CDH12: variants seen among roughly 807,000 people sequenced by gnomAD.
The protein encoded by CDH12 is cadherin-12.
In CDH12, 41 loss-of-function variants were observed where a neutral mutation model predicts 74.1. The observed-to-expected ratio is 0.55, with a 90% CI of 0.43 to 0.72. The LOEUF is 0.72. Among genes scored for constraint, CDH12 ranks in the 30% least tolerant of loss-of-function variants. The pLI is 0.00. For missense variants in CDH12, 945 were observed against 977.2 expected (o/e 0.97, Z 0.44); for synonymous variants, 399 against 355.0 (o/e 1.12, Z -1.39).
At chr5:22,041,940 A>G (rs1177303008) in intron 5 of CDH12, among the ~76,000 whole-genome samples, 2 of 152,226 alleles carry the variant, frequency 1.3e-5, no homozygotes, top group Non-Finnish European at 2.9e-5. Flanking sequence ...AAACAAATTG[A>G]AATCATGTCA....
intron 3 of CDH12, among the ~76,000 whole-genome samples, chr5:22,384,064 A>C (rs1454832734): frequency 6.6e-6 from 1 of 152,102 alleles, no homozygotes; most frequent in Non-Finnish European, 1.5e-5. Flanking sequence ...AATGTAAAGA[A>C]AATTAGACTT....
At chr5:22,574,483 G>A (rs1739685748) in intron 1 of CDH12, among the ~76,000 whole-genome samples, 2 of 151,968 alleles carry the variant, frequency 1.3e-5, no homozygotes, top group African/African-American at 4.8e-5. Context: ...TTTTATAAAG[G>A]TAGATTTTAT....
At chr5:22,172,439 T>C (rs1749085145) in intron 4 of CDH12, 1 of 151,886 alleles carries the variant, frequency 6.6e-6, no homozygotes, top group African/African-American at 2.4e-5. Context: ...ATCTTCCTTG[T>C]TTCTCTCTTA....
intron 10 of CDH12, among the ~76,000 whole-genome samples, chr5:21,796,925 C>T (rs1746812319): frequency 6.6e-6 from 1 of 152,114 alleles, no homozygotes; most frequent in African/African-American, 2.4e-5. Context: ...TCGTTTGACT[C>T]ACTAGAAATT....
intron 2 of CDH12, among the ~76,000 whole-genome samples, chr5:22,416,266 G>A (rs1289260902): frequency 6.6e-6 from 1 of 151,004 alleles, no homozygotes; most frequent in African/African-American, 2.4e-5. Context: ...TAGTAGAGAC[G>A]GGGTTTCACC....
chr5:22,294,841 T>C (rs1737555165), intron 3 of CDH12, among the ~76,000 whole-genome samples: 2 of 152,240 alleles, frequency 1.3e-5, no homozygotes, highest in East Asian at 3.9e-4. Flanking sequence ...ATTTATCTGC[T>C]TCTTTGAGCT....
At chr5:22,804,857 C>G (rs1388035792) in intron 1 of CDH12, among the ~76,000 whole-genome samples, 2 of 152,162 alleles carry the variant, frequency 1.3e-5, no homozygotes, top group Non-Finnish European at 2.9e-5. Flanking sequence ...TGTACGTACA[C>G]TACTTTAAGA....
chr5:22,403,688 G>C (rs1338723500), intron 3 of CDH12, among the ~76,000 whole-genome samples: 1 of 152,202 alleles, frequency 6.6e-6, no homozygotes. Context: ...GCCATGTGAA[G>C]ACCAAGAAGC....
chr5:22,350,700 T>C (rs1740323459), intron 3 of CDH12, among the ~76,000 whole-genome samples: 1 of 152,212 alleles, frequency 6.6e-6, no homozygotes, highest in Admixed American at 6.5e-5. Flanking sequence ...ATAGATAACA[T>C]TTCAAAGTTG....
chr5:21,851,466 T>C (rs939090413), intron 7 of CDH12, among the ~76,000 whole-genome samples: 2 of 150,486 alleles, frequency 1.3e-5, no homozygotes, highest in Non-Finnish European at 3.0e-5. Context: ...AAATAATTTA[T>C]ATAATAAAAT....
chr5:22,353,704 C>T (rs1476072565), intron 3 of CDH12, among the ~76,000 whole-genome samples: 1 of 152,018 alleles, frequency 6.6e-6, no homozygotes, highest in East Asian at 1.9e-4. Flanking sequence ...AAAGTATACT[C>T]GAAAAGTTTG....
intron 2 of CDH12, among the ~76,000 whole-genome samples, chr5:22,435,451 C>G (rs1232499737): frequency 1.3e-5 from 2 of 150,626 alleles, no homozygotes; most frequent in African/African-American, 4.9e-5. Flanking sequence ...TGTATATATA[C>G]ACACAAATGT....
chr5:22,068,045 G>C (rs936111840), intron 5 of CDH12, among the ~76,000 whole-genome samples: 4 of 152,016 alleles, frequency 2.6e-5, no homozygotes, highest in African/African-American at 9.7e-5. Context: ...AGACCTTAGT[G>C]AGAACTGAAC....
chr5:22,184,375 G>A (rs1409369443), intron 4 of CDH12, among the ~76,000 whole-genome samples: 9 of 152,160 alleles, frequency 5.9e-5, no homozygotes, highest in African/African-American at 2.2e-4. Flanking sequence ...CTAGTAAAAT[G>A]TATAACAACA....
At chr5:22,420,868 T>G (rs1366068044) in intron 2 of CDH12, among the ~76,000 whole-genome samples, 1 of 152,190 alleles carries the variant, frequency 6.6e-6, no homozygotes, top group Non-Finnish European at 1.5e-5. Context: ...CTGATTTCCT[T>G]GAGCAGTGGT....
intron 3 of CDH12, among the ~76,000 whole-genome samples, chr5:22,222,961 A>G (rs148260017): frequency 3.3e-4 from 50 of 152,118 alleles, no homozygotes; most frequent in African/African-American, 1.1e-3. Context: ...TTTCATTTCC[A>G]ATACTTATAT....
At chr5:22,162,287 C>G (rs1293130433) in intron 4 of CDH12, among the ~76,000 whole-genome samples, 3 of 152,114 alleles carry the variant, frequency 2.0e-5, no homozygotes, top group Non-Finnish European at 4.4e-5. Context: ...CCGTTTCTCT[C>G]TCTTTGTCTG....
chr5:22,435,192 G>A (rs1744327876), intron 2 of CDH12, among the ~76,000 whole-genome samples: 1 of 152,010 alleles, frequency 6.6e-6, no homozygotes, highest in South Asian at 2.1e-4. Flanking sequence ...TATAAAGAGG[G>A]CAGAAAAATG....
chr5:22,319,113 T>A (rs1432761313), intron 3 of CDH12, among the ~76,000 whole-genome samples: 1 of 152,180 alleles, frequency 6.6e-6, no homozygotes, highest in Admixed American at 6.6e-5. Flanking sequence ...AAATCAGAGC[T>A]ACTTAGATTT....
Sources: allele counts gnomAD v4.1 joint callset (sites outside exome capture counted in the v4.1 genomes callset), GRCh38; gene constraint gnomAD v4.1.1; transcripts MANE v1.5; gene names NCBI Gene and HGNC (gene_info 2026-07-23, HGNC 2026-07-21).